The following FLII variants were observed in gnomAD, a reference collection of about 807,000 sequenced individuals.
FLII encodes the protein FLII actin remodeling protein.
In FLII, 101 loss-of-function variants were observed where a neutral mutation model predicts 156.2. The observed-to-expected ratio is 0.65, with a 90% CI of 0.55 to 0.76. The LOEUF is 0.76. FLII is among the 30% of genes least tolerant of loss of function. The probability of loss-of-function intolerance (pLI) is 0.00; values close to 1 mark genes in which losing one functional copy is unlikely to be tolerated. For missense variants in FLII, 1,675 were observed against 1,682.8 expected (o/e 1.00, Z 0.08); for synonymous variants, 767 against 685.8 (o/e 1.12, Z -1.85).
chr17:18,249,319 C>A lies in FLII; in HGVS notation c.1859+7G>T. ...GTCCATACCCCCCACTGCCCACACA[C>A]CCTCACCTGGTGACATAGTGTGTGT... On this transcript the variant is annotated splice_region_variant and intron_variant, in intron 15 of 29. Transcript: ENST00000327031. 1 of 1,613,880 alleles carries A rather than the reference C, an allele frequency of 6.2e-7. No individual in the cohort carries two copies. The highest frequency in any genetic ancestry group is 2.2e-5 in the East Asian group (1 of 44,884).
At chr17:18,251,050 C>T in intron 13 of FLII, 33 bp from the exon 14 acceptor site, 4 of 1,597,878 alleles carry the variant, frequency 2.5e-6, no homozygotes, top group Non-Finnish European at 3.4e-6. Flanking sequence ...CATCAGCTTT[C>T]ATCCTGGTCT....
chr17:18,256,888 T>G, intron 2 of FLII, 21 bp downstream of exon 2: 1 of 1,541,118 alleles, frequency 6.5e-7, no homozygotes, highest in Non-Finnish European at 8.9e-7. Context: ...GACCCTCCCC[T>G]GCCCGCCCAA....
chr17:18,246,679 C>T lies in FLII; in HGVS notation c.2966G>A (p.Gly989Asp), dbSNP rs1415861347. 2 of 1,613,770 alleles carry T rather than the reference C, an allele frequency of 1.2e-6. No homozygotes were observed. The highest frequency in any genetic ancestry group is 1.7e-6 in the Non-Finnish European group (2 of 1,179,842). Reference protein sequence around the residue: ...DFQCIVYFWQGREASNMGWLT... With the variant: ...DFQCIVYFWQDREASNMGWLT... Reference sequence around the variant, plus strand: ...CCAGCCCATATTGGAGGCTTCACGGCCCTGCCAGAAGTACACGATGCACTG... The same window carrying T: ...CCAGCCCATATTGGAGGCTTCACGGTCCTGCCAGAAGTACACGATGCACTG... The change falls in exon 23 of 30, where the codon GGC becomes GAC. Residue 989 changes from glycine to aspartate, a missense_variant. Gly to Asp is a moderately conservative substitution (Grantham distance 94). Transcript: ENST00000327031.
rs772232542 is a variant in FLII, at chr17:18,251,252, G to A, written c.1596+13C>T. 1.9e-6 allele frequency: 3 copies of A among 1,612,244 alleles called. No homozygotes were observed. The East Asian group carries it at 6.7e-5, about 36-fold the overall frequency. ...TGGGCCACATGGCCCCTAACAGCAT[G>A]CCCAGCCCTCACCTTGAGCACAATG... On this transcript the variant is annotated intron_variant, in intron 13 of 29. Transcript: ENST00000327031.
In FLII at chr17:18,245,637, A is replaced by C; in HGVS notation, c.3527T>G (p.Phe1176Cys). The C allele has an allele frequency of 6.2e-7, 1 of 1,613,792 alleles. No homozygotes were observed. The highest frequency in any genetic ancestry group is 1.1e-5 in the South Asian group (1 of 91,064). Reference protein sequence around the residue: ...LFRCSNEKGYFAVTEKCSDFC... With the variant: ...LFRCSNEKGYCAVTEKCSDFC... ...GTCGGAGCATTTCTCAGTCACTGCA[A>C]AGTAGCCCTTCTCGTTGGAGCACCT... Residue 1176 changes from phenylalanine (F) to cysteine (C), a missense_variant, in exon 28 of 30, where the codon TTT becomes TGT. By Grantham distance (205) the Phe-to-Cys change is radical. This residue lies in a region of FLII where 1,332 missense variants were observed against 1,269.3 expected (regional missense o/e 1.05). Transcript: ENST00000327031.
chr17:18,248,622 C>A lies in FLII; in HGVS notation c.2118G>T (p.Leu706=). The part of the protein sequence containing the change: ...GQELPEFWEA[L]GGEPSEIKKH... ...TCTTGATCTCAGAGGGCTCCCCACC[C>A]AGTGCCTCCCAGAACTCTGGGAGCT... The change falls in exon 18 of 30, where the codon CTG becomes CTT. Residue 706 remains leucine, a synonymous_variant. Transcript: ENST00000327031. The A allele has an allele frequency of 6.2e-7, 1 of 1,613,910 alleles. No homozygotes were observed. Among genetic ancestry groups the A allele is most frequent in the Non-Finnish European group, 8.5e-7 (1 of 1,179,962 alleles).
intron 9 of FLII, 79 bp downstream of exon 9, chr17:18,253,222 C>T: frequency 6.8e-7 from 1 of 1,479,114 alleles, no homozygotes; most frequent in Middle Eastern, 1.7e-4. Context: ...CTTGCACAGA[C>T]CACAAGGTGG....
rs1322496829 is a variant in FLII at position 18,252,459 on chromosome 17, C to T, written c.1098+13G>A. On this transcript the variant is annotated intron_variant, in intron 10 of 29. Transcript: ENST00000327031. Reference sequence around the variant, plus strand: ...TGTCTCTCTTGAGCCCTCTCAAACCCAGCATGCCTGACCTCGATCTCCGTC... The same window carrying T: ...TGTCTCTCTTGAGCCCTCTCAAACCTAGCATGCCTGACCTCGATCTCCGTC... 6.2e-7 allele frequency: 1 copy of T among 1,612,598 alleles called. No homozygotes were observed. The highest frequency in any genetic ancestry group is 8.5e-7 in the Non-Finnish European group (1 of 1,179,130).
chr17:18,253,662 G>T lies in FLII; in HGVS notation c.737C>A (p.Pro246His), dbSNP rs1285859272. ...GCTGAGGTTGAGGCGGCGCAGGCTG[G>T]GGAGGGTGTACAGACACTCGGGCAC... ...TRVPECLYTL[P>H]SLRRLNLSSN... The change falls in exon 8 of 30, where the codon CCC (proline) becomes CAC (histidine). Residue 246 changes from proline (P) to histidine (H), a missense_variant. This residue lies in a region of FLII where 343 missense variants were observed against 413.5 expected (regional missense o/e 0.83). Coordinates refer to ENST00000327031, the MANE Select transcript of FLII (RefSeq NM_002018.4). 6.2e-7 allele frequency: 1 copy of T among 1,613,778 alleles called. No homozygotes were observed. Among genetic ancestry groups the T allele is most frequent in the East Asian group, 2.2e-5 (1 of 44,882 alleles).
At position 18,258,733 on chromosome 17, in the gene FLII, C is replaced by T. The variant is rs1414244876; in HGVS notation, c.-43G>A. The T allele has an allele frequency of 3.7e-6, 5 of 1,360,250 alleles. No homozygotes were observed. The highest frequency in any genetic ancestry group is 1.9e-6 in the Non-Finnish European group (2 of 1,059,346). The allele number at this position is 1,360,250 out of a possible 1,614,324, so 84.3% of individuals were successfully genotyped here. A position where few individuals can be genotyped will look rare whatever the true frequency, so the allele number is the denominator to read the frequency against. ...CGGGCCGCGCCGGGCTAGGGAGCGC[C>T]GGGGCGAGGGCGCTGGGGGGAGCCG... On this transcript the variant is annotated 5_prime_UTR_variant, in exon 1 of 30. Coordinates refer to ENST00000327031, the MANE Select transcript of FLII (RefSeq NM_002018.4). This position sits in a 1 kb window ranked among gnomAD's most constrained non-coding sequence, Gnocchi z 4.2.
chr17:18,247,094 G>C (rs758829556), intron 21 of FLII, 42 bp from the exon 22 acceptor site: 24 of 1,595,106 alleles, frequency 1.5e-5, no homozygotes, highest in Non-Finnish European at 2.0e-5. Context: ...GTCTGAGCGC[G>C]CTCTGCGCAT....
chr17:18,247,788 T>C lies in FLII; in HGVS notation c.2356A>G (p.Ile786Val), dbSNP rs2048131095. ...CGCGGGGACTTGCGGCCGAGCCAGA[T>C]GAACACGTCGGACCAACAGTCCAGA... Reference protein sequence around the residue: ...YILDCWSDVFIWLGRKSPRLV... With the variant: ...YILDCWSDVFVWLGRKSPRLV... The change falls in exon 20 of 30, where the codon ATC becomes GTC. Residue 786 changes from isoleucine to valine, a missense_variant. Around this residue, in one of 2 missense-constraint regions of FLII, gnomAD observed 1,332 missense variants for 1,269.3 expected, o/e 1.05. Coordinates refer to ENST00000327031, the MANE Select transcript of FLII (RefSeq NM_002018.4). The C allele has an allele frequency of 2.5e-6, 4 of 1,611,874 alleles. No homozygotes were observed. Among genetic ancestry groups the C allele is most frequent in the Middle Eastern group, 1.7e-4 (1 of 6,060 alleles).
intron 20 of FLII, 72 bp downstream of exon 20, chr17:18,247,585 G>T: frequency 7.3e-7 from 1 of 1,378,358 alleles, no homozygotes; most frequent in Non-Finnish European, 9.7e-7. Context: ...GGGAGGTAGT[G>T]AAGCCACAGG....
At chr17:18,253,968 C>T (rs1173961461) in intron 7 of FLII, 111 bp downstream of exon 7, 11 of 853,966 alleles carry the variant, frequency 1.3e-5, no homozygotes, top group South Asian at 1.8e-5. Context: ...TAACTCCAGC[C>T]TTTTCCCTCT....
At chr17:18,251,902 C>T in intron 11 of FLII, 86 bp from the exon 12 acceptor site, 1 of 1,605,676 alleles carries the variant, frequency 6.2e-7, no homozygotes. Flanking sequence ...CTCCACCCAC[C>T]AGGGTCCAGA....
chr17:18,255,006 G>C, intron 4 of FLII, 152 bp from the exon 5 acceptor site: 1 of 944,808 alleles, frequency 1.1e-6, no homozygotes, highest in Admixed American at 1.7e-5. Context: ...TTGGGAGGAA[G>C]AGTGCCTGTG....
At chr17:18,249,460 C>T in intron 14 of FLII, 52 bp from the exon 15 acceptor site, 1 of 1,402,980 alleles carries the variant, frequency 7.1e-7, no homozygotes, top group Non-Finnish European at 1.0e-6. Flanking sequence ...CCTCCCCCAC[C>T]AACCACTGCC....
Position 18,253,533 on chromosome 17 carries a change from CT to C in FLII, c.855+10del. 1 of 1,613,010 alleles carries C rather than the reference CT, an allele frequency of 6.2e-7. No homozygotes were observed. The highest frequency in any genetic ancestry group is 1.1e-5 in the South Asian group (1 of 91,078). On this transcript the variant is annotated intron_variant, in intron 8 of 29. Coordinates refer to ENST00000327031, the MANE Select transcript of FLII (RefSeq NM_002018.4). ...TTCCTCCCATCCCCCTACTGAGGGC[CT>C]CAGACGCACGGGCAGTGAGGTGAGC... is the stretch of plus-strand genomic sequence containing the variant.
intron 16 of FLII, 114 bp downstream of exon 16, chr17:18,249,013 C>A: frequency 7.3e-7 from 1 of 1,372,794 alleles, no homozygotes; most frequent in South Asian, 1.2e-5. Flanking sequence ...CCCCGCCAAG[C>A]TCGTGGGCAG....
Sources: gnomAD v4.1 joint callset for allele counts on GRCh38, gnomAD v4.1.1 for gene constraint, gnomAD v4.1.1 regional missense constraint, Gnocchi (gnomAD v3.1) non-coding constraint, MANE v1.5 for transcripts, NCBI Gene and HGNC (gene_info 2026-07-23, HGNC 2026-07-21) for gene names.